Variants in PLCG2 observed in about 807,000 individuals in gnomAD.
PLCG2 encodes the protein 1-phosphatidylinositol 4,5-bisphosphate phosphodiesterase gamma-2.
A neutral mutation model predicts 175.6 loss-of-function variants in PLCG2; 69 were observed. The ratio of observed to expected loss-of-function variants is 0.39; its 90% CI spans 0.32 to 0.48. The LOEUF is 0.48. Ranked by LOEUF, PLCG2 falls within the 20% of genes least tolerant of loss-of-function variation. PLCG2 has a pLI of 0.91. For synonymous variants in PLCG2, 827 were observed against 624.0 expected (o/e 1.33, Z -4.85); for missense variants, 1,798 against 1,650.9 (o/e 1.09, Z -1.54).
Position 81,938,831 on chromosome 16 carries a change from G to C in PLCG2, c.3229G>C (p.Gly1077Arg). Reference protein sequence around the residue: ...VLGARHLPKLGRSIACPFVEV... With the variant: ...VLGARHLPKLRRSIACPFVEV... ...CGGTGCTCGCCATCTCCCCAAACTT[G>C]GACGAAGTATTGCCTGTCCCTTTGT... The change falls in exon 29 of 33, where the codon GGA (glycine) becomes CGA (arginine). Residue 1077 changes from glycine to arginine, a missense_variant. Coordinates refer to ENST00000564138, the MANE Select transcript of PLCG2 (RefSeq NM_002661.5). 1 of 1,613,334 alleles carries C rather than the reference G, an allele frequency of 6.2e-7. No homozygotes were observed. Among genetic ancestry groups the C allele is most frequent in the Non-Finnish European group, 8.5e-7 (1 of 1,179,656 alleles).
At chr16:81,816,057 A>G (rs1242990124) in intron 2 of PLCG2, among the ~76,000 whole-genome samples, 2 of 42,040 alleles carry the variant, frequency 4.8e-5, no homozygotes, top group Non-Finnish European at 1.1e-4. Flanking sequence ...GCATGACTTC[A>G]TCTTTAAAAA....
chr16:81,949,943 G>A (rs183502819), intron 31 of PLCG2, among the ~76,000 whole-genome samples: 61 of 152,326 alleles, frequency 4.0e-4, no homozygotes, highest in African/African-American at 1.5e-3. Flanking sequence ...TACATCTGAT[G>A]TTAAAGGAAA....
rs1334257562 is a variant in PLCG2 at position 81,779,305 on chromosome 16, C to A, written c.-167C>A. On this transcript the variant is annotated 5_prime_UTR_variant, in exon 1 of 33. Transcript: ENST00000564138. ...GCGGCCGAAGCAGAAGTAGCGAGCG[C>A]CGGCGGCGGAGGGCGTGAGCGGCGC... 1 of 150,514 alleles carries A rather than the reference C, an allele frequency of 6.6e-6. No individual in the cohort carries two copies. The highest frequency in any genetic ancestry group is 2.4e-5 in the African/African-American group (1 of 41,218). The allele number at this position is 150,514 out of a possible 1,614,324, so 9.3% of individuals were successfully genotyped here. A position where few individuals can be genotyped will look rare whatever the true frequency, so the allele number is the denominator to read the frequency against.
intron 2 of PLCG2, among the ~76,000 whole-genome samples, chr16:81,757,504 A>C (rs567944938): frequency 7.2e-5 from 11 of 152,204 alleles, no homozygotes; most frequent in African/African-American, 2.6e-4. Context: ...ACAGAGGTGC[A>C]GAAGAGCCGA....
intron 19 of PLCG2, among the ~76,000 whole-genome samples, 172 bp from the exon 20 acceptor site, chr16:81,919,312 C>T (rs1597132007): frequency 6.6e-6 from 1 of 152,132 alleles, no homozygotes; most frequent in South Asian, 2.1e-4. Context: ...TTGAAAATAC[C>T]CACATCATTG....
intron 6 of PLCG2, among the ~76,000 whole-genome samples, chr16:81,870,541 G>T (rs1907461722): frequency 6.6e-6 from 1 of 152,210 alleles, no homozygotes; most frequent in Admixed American, 6.5e-5. Context: ...GGGCTCAAAG[G>T]AGGGTCTTAC....
chr16:81,858,122 G>A (rs942039630), intron 3 of PLCG2, 141 bp from the exon 4 acceptor site: 1 of 688,330 alleles, frequency 1.5e-6, no homozygotes, highest in Non-Finnish European at 2.7e-6. Context: ...GGTGTGAAAG[G>A]GGATGCTTTC....
intron 2 of PLCG2, among the ~76,000 whole-genome samples, chr16:81,827,567 T>C (rs62044136): frequency 0.19 from 29,277 of 151,922 alleles, 3,056 homozygotes; most frequent in African/African-American, 0.28. Context: ...GGCAGCTGGA[T>C]AGGTGACCTA....
intron 2 of PLCG2, among the ~76,000 whole-genome samples, chr16:81,819,632 T>G (rs1038955554): frequency 6.6e-6 from 1 of 152,232 alleles, no homozygotes; most frequent in African/African-American, 2.4e-5. Flanking sequence ...TCGCCCAGGC[T>G]GTAGTGCGGT....
At chr16:81,885,958 G>A (rs1908340263) in intron 9 of PLCG2, among the ~76,000 whole-genome samples, 1 of 152,208 alleles carries the variant, frequency 6.6e-6, no homozygotes, top group South Asian at 2.1e-4. Flanking sequence ...TAAAATGAAG[G>A]TAATAAGTTA....
chr16:81,783,711 G>C (rs560042258), intron 1 of PLCG2, among the ~76,000 whole-genome samples: 3 of 152,332 alleles, frequency 2.0e-5, no homozygotes, highest in African/African-American at 7.2e-5. Flanking sequence ...ATAAATGGCT[G>C]CTTAACAAGG....
At chr16:81,788,478 C>T (rs1164725917) in intron 2 of PLCG2, among the ~76,000 whole-genome samples, 1 of 152,126 alleles carries the variant, frequency 6.6e-6, no homozygotes, top group South Asian at 2.1e-4. Flanking sequence ...GACGGGGTCT[C>T]ACTGTGTTAG....
intron 2 of PLCG2, among the ~76,000 whole-genome samples, chr16:81,828,085 C>T (rs1419151109): frequency 6.5e-4 from 85 of 130,146 alleles, no homozygotes; most frequent in African/African-American, 2.5e-3. Context: ...AGCAAAACTC[C>T]GTCTCAAAAA....
intron 2 of PLCG2, among the ~76,000 whole-genome samples, chr16:81,829,052 C>A: frequency 6.6e-6 from 1 of 152,106 alleles, no homozygotes; most frequent in South Asian, 2.1e-4. Context: ...CCCCCTCTGC[C>A]CTGTCTTTTT....
At chr16:81,751,127 C>CATGGTATTCCACCTCAGTAGCATGGT (rs1909804861) in intron 1 of PLCG2, among the ~76,000 whole-genome samples, 2 of 151,740 alleles carry the variant, frequency 1.3e-5, no homozygotes, top group African/African-American at 4.8e-5. Flanking sequence ...ATTACAGGTG[C>CATGGTATTCCACCTCAGTAGCATGGT]ATTCCACCAT....
rs541284096 is a variant in PLCG2 at position 81,961,883 on chromosome 16, T to C, written c.*3885T>C. Reference sequence around the variant, plus strand: ...GCAAGAAGATAGAGATTTTCAAAATTCACTTAAGAGTATCTGAGCATAAAA... The same window carrying C: ...GCAAGAAGATAGAGATTTTCAAAATCCACTTAAGAGTATCTGAGCATAAAA... On this transcript the variant is annotated 3_prime_UTR_variant, in exon 33 of 33. Transcript: ENST00000564138. 5.0e-6 allele frequency: 1 copy of C among 199,436 alleles called. No homozygotes were observed. The highest frequency in any genetic ancestry group is 6.0e-5 in the Admixed American group (1 of 16,584). 12.4% of individuals were successfully genotyped at this position (199,436 alleles called of 1,614,324 possible).
At chr16:81,923,714 T>A in intron 22 of PLCG2, 120 bp downstream of exon 22, 1 of 607,812 alleles carries the variant, frequency 1.6e-6, no homozygotes, top group South Asian at 2.0e-5. Flanking sequence ...GGCTTTGACC[T>A]CTTGTGTTAA....
chr16:81,870,819 A>G, intron 6 of PLCG2, 33 bp from the exon 7 acceptor site: 1 of 1,255,522 alleles, frequency 8.0e-7, no homozygotes, highest in Admixed American at 2.2e-5. Flanking sequence ...GTGGACATCA[A>G]AAATCATGTG....
intron 5 of PLCG2, among the ~76,000 whole-genome samples, chr16:81,860,172 A>ATTTTTTTTTT (rs1555513300): frequency 1.7e-5 from 2 of 120,612 alleles, no homozygotes; most frequent in African/African-American, 3.1e-5. Flanking sequence ...TATTATTATT[A>ATTTTTTTTTT]TTTTTTTTTT....
Sources: gnomAD v4.1 joint callset for allele counts (sites outside exome capture counted in the v4.1 genomes callset) on GRCh38, gnomAD v4.1.1 for gene constraint, MANE v1.5 for transcripts, NCBI Gene and HGNC (gene_info 2026-07-23, HGNC 2026-07-21) for gene names.